SCN1A: variants seen among roughly 807,000 people sequenced by gnomAD.
SCN1A encodes the protein sodium voltage-gated channel alpha subunit 1.
Under a neutral mutation model 193.7 loss-of-function variants are expected in SCN1A, and 13 were observed. The observed-to-expected ratio is 0.07, with a 90% CI of 0.04 to 0.11. The LOEUF is 0.11. Among genes scored for constraint, SCN1A ranks in the 10% least tolerant of loss-of-function variants. The pLI is 1.00. For missense variants in SCN1A, 1,432 were observed against 2,451.1 expected (o/e 0.58, Z 8.78); for synonymous variants, 781 against 843.6 (o/e 0.93, Z 1.29).
In SCN1A at chr2:166,041,361, T is replaced by A; in HGVS notation, c.2285A>T (p.Asn762Ile). ...PYWLKVKHVV[N>I]LVVMDPFVDL... is the part of the protein sequence containing the mutation. Reference sequence around the variant, plus strand: ...AACAAATGGGTCCATCACAACCAGGTTGACAACATGTTTCACTTTTAACCA... The same window carrying A: ...AACAAATGGGTCCATCACAACCAGGATGACAACATGTTTCACTTTTAACCA... Residue 762 changes from asparagine (N) to isoleucine (I), a missense_variant, in exon 16 of 29, where the codon AAC becomes ATC. By Grantham distance (149) the Asn-to-Ile change is moderately radical. Coordinates refer to ENST00000674923, the MANE Select transcript of SCN1A (RefSeq NM_001165963.4). The A allele has an allele frequency of 1.9e-6, 3 of 1,613,768 alleles. No individual in the cohort carries two copies. Among genetic ancestry groups the A allele is most frequent in the Non-Finnish European group, 2.5e-6 (3 of 1,179,784 alleles).
chr2:166,141,740 TTTTC>T (rs202022736), intron 1 of SCN1A, among the ~76,000 whole-genome samples: 34,716 of 151,654 alleles, frequency 0.23, 4,009 homozygotes, highest in Non-Finnish European at 0.25. Context: ...TCTTTTTTTT[TTTTC>T]TATTTCAAAC....
At chr2:166,138,832 T>C (rs1399453163) in intron 1 of SCN1A, among the ~76,000 whole-genome samples, 1 of 152,156 alleles carries the variant, frequency 6.6e-6, no homozygotes, top group African/African-American at 2.4e-5. Context: ...CCACACTTAA[T>C]GCCAGCCTGT....
chr2:166,147,418 T>C (rs1166039111), intron 1 of SCN1A, among the ~76,000 whole-genome samples: 1 of 152,126 alleles, frequency 6.6e-6, no homozygotes, highest in East Asian at 1.9e-4. Flanking sequence ...ATTAATATAT[T>C]TTAAGCTTAT....
At chr2:166,077,333 C>G (rs1376269009) in intron 3 of SCN1A, among the ~76,000 whole-genome samples, 2 of 151,676 alleles carry the variant, frequency 1.3e-5, no homozygotes, top group African/African-American at 4.8e-5. Context: ...ACTGTTACCC[C>G]AAACATGCAA....
chr2:166,026,954 T>G (rs1694877462), intron 19 of SCN1A, among the ~76,000 whole-genome samples: 1 of 152,166 alleles, frequency 6.6e-6, no homozygotes, highest in African/African-American at 2.4e-5. Context: ...GAATATTTCT[T>G]AAAATCTATT....
At chr2:166,126,367 C>T (rs1691241223) in intron 2 of SCN1A, 1 of 152,166 alleles carries the variant, frequency 6.6e-6, no homozygotes, top group African/African-American at 2.4e-5. Flanking sequence ...TCACCACAGT[C>T]ATTCTCCTGA....
chr2:166,000,748 T>C (rs369491053), intron 24 of SCN1A, among the ~76,000 whole-genome samples: 1 of 151,720 alleles, frequency 6.6e-6, no homozygotes, highest in African/African-American at 2.4e-5. Flanking sequence ...GTGTTAAATA[T>C]GTCAGTGGCT....
At position 166,046,981 on chromosome 2, in the gene SCN1A, A is replaced by G. The variant is rs760287453; in HGVS notation, c.1171-5T>C. The G allele has an allele frequency of 6.2e-7, 1 of 1,612,726 alleles. No homozygotes were observed. The highest frequency in any genetic ancestry group is 1.1e-5 in the South Asian group (1 of 91,062). On this transcript the variant is annotated splice_polypyrimidine_tract_variant and splice_region_variant and intron_variant, in intron 11 of 28. Transcript: ENST00000674923. ...TTTCCCAGCAGCACGTAATGTCTGC[A>G]AACAAAAATATCAGAATTATTTCTC...
At chr2:166,137,283 A>G (rs1679589996) in intron 1 of SCN1A, among the ~76,000 whole-genome samples, 1 of 152,244 alleles carries the variant, frequency 6.6e-6, no homozygotes, top group African/African-American at 2.4e-5. Context: ...ATGAACAAAA[A>G]TCTTTATGAT....
chr2:166,141,898 G>C (rs1208986854), intron 1 of SCN1A, among the ~76,000 whole-genome samples: 1 of 151,350 alleles, frequency 6.6e-6, no homozygotes, highest in East Asian at 1.9e-4. Flanking sequence ...TCCCTCCAAA[G>C]GTGTGGCACC....
At chr2:166,040,563 A>T (rs1326027375) in intron 16 of SCN1A, among the ~76,000 whole-genome samples, 1 of 152,240 alleles carries the variant, frequency 6.6e-6, no homozygotes, top group Non-Finnish European at 1.5e-5. Flanking sequence ...CAGGAAATGC[A>T]TAAATTACTT....
intron 19 of SCN1A, among the ~76,000 whole-genome samples, chr2:166,028,205 A>G (rs900636291): frequency 6.6e-6 from 1 of 152,218 alleles, no homozygotes; most frequent in Non-Finnish European, 1.5e-5. Flanking sequence ...CAAAAGCAAC[A>G]TATTTCAGAC....
At chr2:166,126,640 A>T (rs1441933700) in intron 2 of SCN1A, among the ~76,000 whole-genome samples, 1 of 152,192 alleles carries the variant, frequency 6.6e-6, no homozygotes, top group African/African-American at 2.4e-5. Flanking sequence ...CAGAAATACC[A>T]CGTGAACCTG....
chr2:166,035,805 G>T (rs946255910), intron 19 of SCN1A, among the ~76,000 whole-genome samples: 4 of 152,156 alleles, frequency 2.6e-5, no homozygotes, highest in Admixed American at 1.3e-4. Flanking sequence ...ACTGGGAGCT[G>T]CAGCTTGCTG....
At chr2:166,002,819 C>A (rs1451260159) in intron 23 of SCN1A, 66 bp from the exon 24 acceptor site, 3 of 1,341,008 alleles carry the variant, frequency 2.2e-6, no homozygotes, top group Non-Finnish European at 3.1e-6. Flanking sequence ...AAAAAATTCC[C>A]CTAGTAATCT....
rs1036936374 is a variant in SCN1A at position 165,994,008 on chromosome 2, AC to A, written c.4852+137del. 6.7e-6 allele frequency: 5 copies of A among 748,472 alleles called. 1 individual carries two copies. The highest frequency in any genetic ancestry group is 3.7e-5 in the South Asian group (2 of 53,872). The allele number at this position is 748,472 out of a possible 1,614,324, so 46.4% of individuals were successfully genotyped here. Reference sequence around the variant, plus strand: ...TAGTAGGAGACATTTTGTTAAAAAAACAAACACACTTGGATAAAATGTATCA... The same window carrying A: ...TAGTAGGAGACATTTTGTTAAAAAAAAAACACACTTGGATAAAATGTATCA... On this transcript the variant is annotated intron_variant, in intron 28 of 28. Transcript: ENST00000674923.
intron 4 of SCN1A, among the ~76,000 whole-genome samples, chr2:166,064,561 T>C (rs1244129202): frequency 6.6e-6 from 1 of 152,188 alleles, no homozygotes; most frequent in East Asian, 1.9e-4. Flanking sequence ...TATTATCTAG[T>C]AATCTTTTCT....
intron 2 of SCN1A, among the ~76,000 whole-genome samples, chr2:166,124,399 T>C (rs1690995584): frequency 6.6e-6 from 1 of 151,832 alleles, no homozygotes; most frequent in Non-Finnish European, 1.5e-5. Context: ...ATACAAAAAT[T>C]AGCCAGGCAT....
chr2:166,120,218 CT>C (rs1233228785), intron 2 of SCN1A, among the ~76,000 whole-genome samples: 4 of 147,904 alleles, frequency 2.7e-5, no homozygotes, highest in Admixed American at 1.3e-4. Flanking sequence ...GTTCCTTTTC[CT>C]TTATGTATTA....
Sources: allele counts gnomAD v4.1 joint callset (sites outside exome capture counted in the v4.1 genomes callset), GRCh38; gene constraint gnomAD v4.1.1; transcripts MANE v1.5; gene names NCBI Gene and HGNC (gene_info 2026-07-23, HGNC 2026-07-21).